The following SHANK2 variants were observed in gnomAD, a reference collection of about 807,000 sequenced individuals.
The protein encoded by SHANK2 is SH3 and multiple ankyrin repeat domains 2.
In SHANK2, 43 loss-of-function variants were observed where a neutral mutation model predicts 133.7. The ratio of observed to expected loss-of-function variants is 0.32; its 90% CI spans 0.25 to 0.41. The LOEUF is 0.41. SHANK2 is among the 10% of genes least tolerant of loss of function. SHANK2 has a pLI of 1.00. For missense variants in SHANK2, 1,994 were observed against 2,235.8 expected, an observed-to-expected ratio of 0.89 and a Z score of 2.18; for synonymous variants, 1,017 against 952.8, an observed-to-expected ratio of 1.07 and a Z score of -1.24.
chr11:70,952,710 TG>T, intron 10 of SHANK2: 1 of 405,826 alleles, frequency 2.5e-6, no homozygotes, highest in Non-Finnish European at 5.2e-6. Context: ...GGCAGCACTC[TG>T]GGGGACGCAG....
At chr11:71,245,177 A>G (rs782627297) in intron 1 of SHANK2, among the ~76,000 whole-genome samples, 8 of 151,888 alleles carry the variant, frequency 5.3e-5, no homozygotes, top group Non-Finnish European at 1.0e-4. Context: ...ATGGGGTCTC[A>G]TTATATTGCC....
At chr11:71,125,087 T>C (rs1409124022) in intron 3 of SHANK2, among the ~76,000 whole-genome samples, 1 of 152,198 alleles carries the variant, frequency 6.6e-6, no homozygotes, top group Admixed American at 6.5e-5. Context: ...ACTGTTCCAC[T>C]GACCAGCTAT....
chr11:70,795,800 C>G (rs1175138280), intron 14 of SHANK2, among the ~76,000 whole-genome samples: 5 of 152,144 alleles, frequency 3.3e-5, no homozygotes, highest in East Asian at 3.9e-4. Context: ...CAGGTGCTGG[C>G]TTTGGAGACG....
chr11:70,884,580 T>C (rs1949708031), intron 11 of SHANK2, among the ~76,000 whole-genome samples: 2 of 152,168 alleles, frequency 1.3e-5, no homozygotes, highest in Admixed American at 1.3e-4. Context: ...GGTGACCGGA[T>C]TGGAAGGGAA....
intron 8 of SHANK2, 115 bp downstream of exon 8, chr11:71,092,307 C>G: frequency 8.5e-7 from 1 of 1,182,518 alleles, no homozygotes; most frequent in Non-Finnish European, 1.2e-6. Flanking sequence ...GCAGGCCAAA[C>G]AAAATACCTG....
rs534857575 is a variant in SHANK2, at chr11:70,552,044, C to T, written c.2062-49113G>A. On this transcript the variant is annotated intron_variant, in intron 17 of 25. Transcript: ENST00000601538. ...GGAGAGCATGGATGAAACTTAAATG[C>T]GATGAGTAATTCCAGGCAGTACCCA... 1.1e-3 allele frequency among the ~76,000 whole-genome samples: 170 copies of T among 152,332 alleles called. 7 individuals are homozygous for T. Among genetic ancestry groups the T allele is most frequent in the African/African-American group, 4.6e-4 (19 of 41,582 alleles).
chr11:70,600,872 C>G lies in SHANK2; in HGVS notation c.2061+58956G>C, dbSNP rs544492743. Among the ~76,000 whole-genome samples the G allele has an allele frequency of 6.6e-5, 10 of 152,098 alleles. No individual in the cohort carries two copies. In the East Asian group the frequency reaches 1.9e-3, roughly 29 times the overall value. ...AAAATAAGATTGGGAAACAGCTTTA[C>G]AAACTCTTGGGAGAAGATAATTTCT... On this transcript the variant is annotated intron_variant, in intron 17 of 25. Coordinates refer to ENST00000601538, the MANE Select transcript of SHANK2 (RefSeq NM_012309.5).
chr11:71,073,735 G>T (rs1951181273), intron 9 of SHANK2, among the ~76,000 whole-genome samples: 3 of 152,172 alleles, frequency 2.0e-5, no homozygotes, highest in Non-Finnish European at 4.4e-5. Flanking sequence ...AAAGCACTGG[G>T]ATTACAGGTA....
intron 11 of SHANK2, among the ~76,000 whole-genome samples, chr11:70,854,928 T>C (rs1949145722): frequency 6.6e-6 from 1 of 152,176 alleles, no homozygotes. Flanking sequence ...GCTGTACTTT[T>C]TGTTTTTGCA....
At chr11:70,530,596 C>A (rs950286991) in intron 17 of SHANK2, among the ~76,000 whole-genome samples, 4 of 152,108 alleles carry the variant, frequency 2.6e-5, no homozygotes, top group Non-Finnish European at 5.9e-5. Context: ...GTGGATGAGC[C>A]TTGAGGACAT....
chr11:70,760,153 G>A lies in SHANK2; in HGVS notation c.1777+38290C>T, dbSNP rs149481381. ...GGTGAACATGGGACGCATGTAACACGCATGTGTGCTCAGTGCACATGTCAG... is the reference window on the plus strand; with the variant it reads ...GGTGAACATGGGACGCATGTAACACACATGTGTGCTCAGTGCACATGTCAG... On this transcript the variant is annotated intron_variant, in intron 14 of 25. Coordinates refer to ENST00000601538, the MANE Select transcript of SHANK2 (RefSeq NM_012309.5). 9.5e-4 allele frequency among the ~76,000 whole-genome samples: 145 copies of A among 152,330 alleles called. 1 individual carries two copies. Among genetic ancestry groups the A allele is most frequent in the Non-Finnish European group, 1.7e-3 (113 of 68,034 alleles).
At chr11:70,855,914 G>C (rs1427306057) in intron 11 of SHANK2, among the ~76,000 whole-genome samples, 2 of 152,156 alleles carry the variant, frequency 1.3e-5, no homozygotes, top group African/African-American at 4.8e-5. Context: ...TGGATAAAGA[G>C]ATGGATGAAT....
At chr11:70,801,308 G>GC (rs1297001316) in intron 13 of SHANK2, among the ~76,000 whole-genome samples, 2 of 152,248 alleles carry the variant, frequency 1.3e-5, no homozygotes, top group Non-Finnish European at 2.9e-5. Context: ...GTGACGTGCT[G>GC]CAAGGGGTCC....
chr11:70,902,902 G>C (rs74449162), intron 10 of SHANK2, among the ~76,000 whole-genome samples: 2,019 of 152,312 alleles, frequency 0.013, 44 homozygotes, highest in African/African-American at 0.045. Flanking sequence ...AATGTCAGGA[G>C]GGAGCCCACA....
In SHANK2 at chr11:70,535,097, G is replaced by C. The variant is rs561519012; in HGVS notation, c.2062-32166C>G. Reference sequence around the variant, plus strand: ...GACCTGGAGGGAAGACTGGCTTTGGGGCAGGTGAGGCAGGCACATGAAGTA... The same window carrying C: ...GACCTGGAGGGAAGACTGGCTTTGGCGCAGGTGAGGCAGGCACATGAAGTA... On this transcript the variant is annotated intron_variant, in intron 17 of 25. Coordinates refer to ENST00000601538, the MANE Select transcript of SHANK2 (RefSeq NM_012309.5). This position sits in a 1 kb window ranked among gnomAD's most constrained non-coding sequence, Gnocchi z 4.3. 6.6e-6 allele frequency among the ~76,000 whole-genome samples: 1 copy of C among 152,306 alleles called. No individual in the cohort carries two copies. The highest frequency in any genetic ancestry group is 1.9e-4 in the East Asian group (1 of 5,174).
chr11:70,637,501 G>A (rs558459120), intron 17 of SHANK2, among the ~76,000 whole-genome samples: 4 of 152,282 alleles, frequency 2.6e-5, no homozygotes, highest in Admixed American at 6.5e-5. Flanking sequence ...TGCCCACAGA[G>A]ACAAATGAGC....
Position 71,086,592 on chromosome 11 carries a change from A to G in SHANK2, c.912+5830T>C, listed in dbSNP as rs1294335811. 2.7e-5 allele frequency among the ~76,000 whole-genome samples: 4 copies of G among 148,684 alleles called. No individual in the cohort carries two copies. In the Admixed American group the frequency reaches 2.7e-4, roughly 10 times the overall value. ...CATTAGACTTGGAGTTAAGCAGATG[A>G]TTCTCCATAATATTGAGTGGGCCCC... is the stretch of plus-strand genomic sequence containing the variant. On this transcript the variant is annotated intron_variant, in intron 8 of 25. Coordinates refer to ENST00000601538, the MANE Select transcript of SHANK2 (RefSeq NM_012309.5).
chr11:70,583,590 T>C (rs1472450439), intron 17 of SHANK2, among the ~76,000 whole-genome samples: 20 of 152,188 alleles, frequency 1.3e-4, no homozygotes, highest in Admixed American at 1.3e-3. Flanking sequence ...GCTGCCCAGA[T>C]GGCACGGAAA....
At chr11:70,868,157 G>A (rs1590777251) in intron 11 of SHANK2, among the ~76,000 whole-genome samples, 1 of 152,186 alleles carries the variant, frequency 6.6e-6, no homozygotes, top group Admixed American at 6.5e-5. Flanking sequence ...TTCTTTTCTC[G>A]AGGAAGACTC....
Sources: gnomAD v4.1 joint callset for allele counts (sites outside exome capture counted in the v4.1 genomes callset) on GRCh38, gnomAD v4.1.1 for gene constraint, Gnocchi (gnomAD v3.1) non-coding constraint, MANE v1.5 for transcripts, NCBI Gene and HGNC (gene_info 2026-07-23, HGNC 2026-07-21) for gene names.